The following RXRA variants were observed in gnomAD, a reference collection of about 807,000 sequenced individuals.
RXRA encodes retinoid X receptor alpha.
RXRA carries 5 observed loss-of-function variants against 44.5 expected under a neutral mutation model. That is an observed-to-expected ratio of 0.11 (90% CI 0.06 to 0.24). The LOEUF (loss-of-function observed/expected upper bound fraction) is 0.24. Among genes scored for constraint, RXRA ranks in the 10% least tolerant of loss-of-function variants. The probability of loss-of-function intolerance (pLI) is 1.00; values close to 1 mark genes in which losing one functional copy is unlikely to be tolerated. For synonymous variants in RXRA, 291 were observed against 271.4 expected (o/e 1.07, Z -0.71); for missense variants, 412 against 646.5 (o/e 0.64, Z 3.93).
chr9:134,359,909 G>A (rs936133140), intron 1 of RXRA, among the ~76,000 whole-genome samples: 1 of 152,178 alleles, frequency 6.6e-6, no homozygotes, highest in Non-Finnish European at 1.5e-5. Flanking sequence ...GGCCTGGCCT[G>A]TGAGGGGATG....
At chr9:134,402,049 T>G (rs1830971602) in intron 2 of RXRA, 167 bp downstream of exon 2, 2 of 635,704 alleles carry the variant, frequency 3.1e-6, no homozygotes, top group Non-Finnish European at 5.3e-6. Flanking sequence ...CCGTGGGGGT[T>G]TGAGCCCAGG....
chr9:134,369,238 G>T (rs1830459320), intron 1 of RXRA, among the ~76,000 whole-genome samples: 1 of 46,366 alleles, frequency 2.2e-5, no homozygotes. Flanking sequence ...GTGTGGGGGG[G>T]TTATATGTGT....
chr9:134,362,959 C>T (rs879519790), intron 1 of RXRA, among the ~76,000 whole-genome samples: 3 of 152,252 alleles, frequency 2.0e-5, no homozygotes, highest in Non-Finnish European at 4.4e-5. Flanking sequence ...CATTTGGAGA[C>T]CTGAGCTCTG....
intron 6 of RXRA, chr9:134,424,654 A>G: frequency 1.0e-6 from 1 of 985,470 alleles, no homozygotes; most frequent in Non-Finnish European, 1.2e-6. Flanking sequence ...AGTAAGGTCC[A>G]CTGAAGCACA....
intron 1 of RXRA, among the ~76,000 whole-genome samples, chr9:134,351,226 G>A (rs1830217660): frequency 6.6e-6 from 1 of 152,242 alleles, no homozygotes; most frequent in Non-Finnish European, 1.5e-5. Context: ...GGGGCTAGGA[G>A]GCCCGGCGGG....
At position 134,391,248 on chromosome 9, in the gene RXRA, C is replaced by T. The variant is rs534342919; in HGVS notation, c.29-10384C>T. Among the ~76,000 whole-genome samples, 134 of 152,292 alleles carry T rather than the reference C, an allele frequency of 8.8e-4. 1 individual carries two copies. The highest frequency in any genetic ancestry group is 3.0e-3 in the African/African-American group (126 of 41,576). On this transcript the variant is annotated intron_variant, in intron 1 of 9. Transcript: ENST00000481739. ...GGCCTCTGGCATGGAGCTGGCCACG[C>T]TCCACCACAGGTGGGACCTGAGGAA... is the stretch of plus-strand genomic sequence containing the variant.
intron 1 of RXRA, among the ~76,000 whole-genome samples, chr9:134,385,884 C>T (rs933575740): frequency 1.3e-5 from 2 of 152,268 alleles, no homozygotes; most frequent in Non-Finnish European, 1.5e-5. Context: ...GGCTGCCCAA[C>T]GTCCGGGCCT....
At position 134,440,085 on chromosome 9, in the gene RXRA, G is replaced by C. The variant is rs574875590; in HGVS notation, c.*3471G>C. ...TAAGAGAAAATGTCTAAAGCATCTG[G>C]AAAGGTAAAAAAAAAAAATCTATTT... On this transcript the variant is annotated 3_prime_UTR_variant, in exon 10 of 10. Transcript: ENST00000481739. 1 of 151,452 alleles carries C rather than the reference G, an allele frequency of 6.6e-6. No homozygotes were observed. Among genetic ancestry groups the C allele is most frequent in the South Asian group, 2.1e-4 (1 of 4,690 alleles). 9.4% of individuals were successfully genotyped at this position (151,452 alleles called of 1,614,324 possible).
chr9:134,384,269 G>C (rs979359384), intron 1 of RXRA, among the ~76,000 whole-genome samples: 20 of 152,308 alleles, frequency 1.3e-4, no homozygotes, highest in African/African-American at 4.6e-4. Context: ...CTCGGGAGGA[G>C]TCCTGGACCC....
At chr9:134,434,279 G>T (rs1831580058) in intron 9 of RXRA, 72 bp downstream of exon 9, 6 of 1,113,164 alleles carry the variant, frequency 5.4e-6, no homozygotes, top group East Asian at 4.8e-5. Context: ...CCCCTGCAAG[G>T]CCATTTTATG....
intron 1 of RXRA, among the ~76,000 whole-genome samples, chr9:134,329,648 C>T (rs1215019522): frequency 2.0e-5 from 3 of 152,080 alleles, no homozygotes; most frequent in Admixed American, 6.5e-5. Context: ...CCTGGTCACG[C>T]GGGCAGCTGC....
At chr9:134,381,482 C>T (rs370763127) in intron 1 of RXRA, among the ~76,000 whole-genome samples, 4 of 151,850 alleles carry the variant, frequency 2.6e-5, no homozygotes, top group East Asian at 1.9e-4. Flanking sequence ...GGTAGGAAGA[C>T]GCAGAGGGAA....
intron 1 of RXRA, among the ~76,000 whole-genome samples, chr9:134,348,693 C>A (rs896452306): frequency 6.6e-6 from 1 of 152,236 alleles, no homozygotes; most frequent in Non-Finnish European, 1.5e-5. Flanking sequence ...TCCTCGGGGT[C>A]CTAGGCTGCA....
chr9:134,430,298 G>A (rs888318795), intron 7 of RXRA, among the ~76,000 whole-genome samples: 6 of 152,212 alleles, frequency 3.9e-5, no homozygotes, highest in African/African-American at 9.6e-5. Context: ...GGGGCACTGC[G>A]GGGTCCCTTG....
chr9:134,396,681 T>C (rs1830884519), intron 1 of RXRA, among the ~76,000 whole-genome samples: 1 of 152,234 alleles, frequency 6.6e-6, no homozygotes, highest in East Asian at 1.9e-4. Context: ...CTTTGCACCA[T>C]CCTGGATTCC....
chr9:134,437,249 C>CA lies in RXRA; in HGVS notation c.*636dup, dbSNP rs754036967. ...GTAGCCCCTTTTTCCAAAGATAACT[C>CA]ACAGTTTTGCCCTCGAGCCAATGAG... On this transcript the variant is annotated 3_prime_UTR_variant, in exon 10 of 10. Coordinates refer to ENST00000481739, the MANE Select transcript of RXRA (RefSeq NM_002957.6). 6.5e-6 allele frequency: 1 copy of CA among 153,414 alleles called. No individual in the cohort carries two copies. The highest frequency in any genetic ancestry group is 1.5e-5 in the Non-Finnish European group (1 of 68,656). 9.5% of individuals were successfully genotyped at this position (153,414 alleles called of 1,614,324 possible). A position where few individuals can be genotyped will look rare whatever the true frequency, so the allele number is the denominator to read the frequency against.
In RXRA at chr9:134,352,588, G is replaced by A. The variant is rs372361219; in HGVS notation, c.28+25929G>A. On this transcript the variant is annotated intron_variant, in intron 1 of 9. Transcript: ENST00000481739. ...GACCACCCAGCCTCCTGCTGGCCCCGCTTTCCTTTGGTGGGACTGAAGATG... is the reference window on the plus strand; with the variant it reads ...GACCACCCAGCCTCCTGCTGGCCCCACTTTCCTTTGGTGGGACTGAAGATG... Among the ~76,000 whole-genome samples, 11 of 152,276 alleles carry A rather than the reference G, an allele frequency of 7.2e-5. No individual in the cohort carries two copies. The East Asian group carries it at 1.4e-3, about 19-fold the overall frequency.
In RXRA at chr9:134,425,005, G is replaced by A. The variant is rs570855829; in HGVS notation, c.910+3200G>A. ...GTGGGGGAGGTCACTTCCGCTGGGC[G>A]ACAGCAACGATGGGAATGGGTGCCC... is the stretch of plus-strand genomic sequence containing the variant. On this transcript the variant is annotated intron_variant, in intron 6 of 9. Coordinates refer to ENST00000481739, the MANE Select transcript of RXRA (RefSeq NM_002957.6). 10 of 985,448 alleles carry A rather than the reference G, an allele frequency of 1.0e-5. No homozygotes were observed. In the African/African-American group the frequency reaches 1.4e-4, roughly 14 times the overall value. The allele number at this position is 985,448 out of a possible 1,614,324, so 61.0% of individuals were successfully genotyped here. A position where few individuals can be genotyped will look rare whatever the true frequency, so the allele number is the denominator to read the frequency against.
intron 4 of RXRA, among the ~76,000 whole-genome samples, chr9:134,410,118 C>G (rs535160451): frequency 6.6e-6 from 1 of 152,348 alleles, no homozygotes; most frequent in East Asian, 1.9e-4. Context: ...CCTTAACGGT[C>G]CTGTTGAGAA....
Sources: gnomAD v4.1 joint callset for allele counts (sites outside exome capture counted in the v4.1 genomes callset) on GRCh38, gnomAD v4.1.1 for gene constraint, MANE v1.5 for transcripts, NCBI Gene and HGNC (gene_info 2026-07-23, HGNC 2026-07-21) for gene names.